The following AOPEP variants were observed in gnomAD, a reference collection of about 807,000 sequenced individuals.
AOPEP encodes the protein aminopeptidase O.
In AOPEP, 77 loss-of-function variants were observed where a neutral mutation model predicts 98.1. That is an observed-to-expected ratio of 0.78 (90% CI 0.65 to 0.95). The LOEUF is 0.95. Ranked by LOEUF, AOPEP falls within the 40% of genes least tolerant of loss-of-function variation. The probability of loss-of-function intolerance (pLI) is 0.00; values close to 1 mark genes in which losing one functional copy is unlikely to be tolerated. For synonymous variants in AOPEP, 346 were observed against 365.3 expected (o/e 0.95, Z 0.60); for missense variants, 1,024 against 1,024.7 (o/e 1.00, Z 0.01).
intron 13 of AOPEP, among the ~76,000 whole-genome samples, chr9:95,038,812 CCCAAAGGGTG>C (rs1435761543): frequency 2.0e-5 from 3 of 152,178 alleles, no homozygotes; most frequent in Non-Finnish European, 4.4e-5. Context: ...ACAGGTCTGA[CCCAAAGGGTG>C]CTCATCAGTG....
intron 13 of AOPEP, among the ~76,000 whole-genome samples, chr9:95,050,049 C>T (rs1003525132): frequency 6.6e-6 from 1 of 152,174 alleles, no homozygotes; most frequent in South Asian, 2.1e-4. Context: ...AGTAAAGTGA[C>T]GTTTTGCCAT....
chr9:95,024,171 G>A (rs2133238130), intron 13 of AOPEP, among the ~76,000 whole-genome samples: 1 of 152,282 alleles, frequency 6.6e-6, no homozygotes, highest in African/African-American at 2.4e-5. Flanking sequence ...TATCATCCAG[G>A]CAGGTTGTTG....
intron 5 of AOPEP, among the ~76,000 whole-genome samples, chr9:94,856,591 A>T (rs1269862674): frequency 1.3e-5 from 2 of 150,054 alleles, no homozygotes; most frequent in African/African-American, 4.9e-5. Flanking sequence ...TGGTAAGCCG[A>T]GATCGTGCCA....
chr9:95,086,926 C>T lies in AOPEP; in HGVS notation c.*249C>T. 1 of 987,876 alleles carries T rather than the reference C, an allele frequency of 1.0e-6. No homozygotes were observed. Among genetic ancestry groups the T allele is most frequent in the Non-Finnish European group, 1.2e-6 (1 of 830,110 alleles). The allele number at this position is 987,876 out of a possible 1,614,324, so 61.2% of individuals were successfully genotyped here. On this transcript the variant is annotated 3_prime_UTR_variant, in exon 17 of 17. Transcript: ENST00000375315. The stretch of plus-strand genomic sequence containing the variant: ...CTCCTGCCCTGGATCTGGAGTGGAG[C>T]TGCTCTGAGATTTTGAGTTCTTCTG...
chr9:95,060,761 C>T lies in AOPEP; in HGVS notation c.2183C>T (p.Thr728Ile). ...LLEQKTLSPR[T>I]LQSLQRTYHL... is the part of the protein sequence containing the mutation. ...GAGCAGAAGACTCTGAGCCCCCGAA[C>T]TCTGCAAAGCCTCCAGAGGACATAC... Residue 728 changes from threonine (T) to isoleucine (I), a missense_variant, in exon 14 of 17, where the codon ACT (threonine) becomes ATT (isoleucine). Transcript: ENST00000375315. The T allele has an allele frequency of 1.9e-6, 3 of 1,614,106 alleles. No individual in the cohort carries two copies. The highest frequency in any genetic ancestry group is 2.5e-6 in the Non-Finnish European group (3 of 1,179,944).
At chr9:94,774,191 C>G (rs1032379064) in intron 3 of AOPEP, among the ~76,000 whole-genome samples, 1 of 151,398 alleles carries the variant, frequency 6.6e-6, no homozygotes, top group South Asian at 2.1e-4. Flanking sequence ...GGTTGCCTGT[C>G]GTCCCAGCTA....
intron 14 of AOPEP, among the ~76,000 whole-genome samples, chr9:95,067,617 GTACCCTTCGCTGAAACAGCCTT>G (rs1160817851): frequency 6.6e-6 from 1 of 152,208 alleles, no homozygotes; most frequent in African/African-American, 2.4e-5. Flanking sequence ...GTGTAGAATA[GTACCCTTCGCTGAAACAGCCTT>G]TCTCAACTTG....
chr9:94,788,738 C>G (rs1844997715), intron 3 of AOPEP, among the ~76,000 whole-genome samples: 1 of 152,188 alleles, frequency 6.6e-6, no homozygotes, highest in Non-Finnish European at 1.5e-5. Context: ...CCTTCTGGAA[C>G]CAAATAAGGG....
intron 7 of AOPEP, among the ~76,000 whole-genome samples, chr9:94,937,876 T>C (rs2056503688): frequency 6.6e-6 from 1 of 152,196 alleles, no homozygotes; most frequent in African/African-American, 2.4e-5. Context: ...AAGAACAATT[T>C]CTTTTTTCTT....
In AOPEP at chr9:94,980,527, C is replaced by T. The variant is rs1490105579; in HGVS notation, c.1977+1100C>T. Among the ~76,000 whole-genome samples the T allele has an allele frequency of 6.6e-6, 1 of 152,226 alleles. No homozygotes were observed. Among genetic ancestry groups the T allele is most frequent in the East Asian group, 1.9e-4 (1 of 5,194 alleles). Reference sequence around the variant, plus strand: ...TCCATTACCTTTTCATCCCCCTCCTCACATCTTTGTCCATTTTCACCACAG... The same window carrying T: ...TCCATTACCTTTTCATCCCCCTCCTTACATCTTTGTCCATTTTCACCACAG... On this transcript the variant is annotated intron_variant, in intron 11 of 16. Transcript: ENST00000375315. This position sits in a 1 kb window ranked among gnomAD's most constrained non-coding sequence, Gnocchi z 4.3.
In AOPEP at chr9:95,019,571, C is replaced by G. The variant is rs930491456; in HGVS notation, c.2115+13955C>G. ...GAAGTTTTCTGTCTAAAGGAAGGTT[C>G]CAGCTACCTGTTACCCTTTTGCTAA... On this transcript the variant is annotated intron_variant, in intron 13 of 16. Coordinates refer to ENST00000375315, the MANE Select transcript of AOPEP (RefSeq NM_001193329.3). 5 of 152,298 alleles carry G rather than the reference C, an allele frequency of 3.3e-5. No individual in the cohort carries two copies. In the East Asian group the frequency reaches 9.6e-4, roughly 29 times the overall value. 9.4% of individuals were successfully genotyped at this position (152,298 alleles called of 1,614,324 possible).
At chr9:95,058,565 G>A (rs977003607) in intron 13 of AOPEP, among the ~76,000 whole-genome samples, 26 of 152,302 alleles carry the variant, frequency 1.7e-4, no homozygotes, top group Middle Eastern at 3.4e-3. Context: ...GATGCCAGGC[G>A]CCTGTTGTCC....
intron 9 of AOPEP, among the ~76,000 whole-genome samples, chr9:94,959,104 C>A (rs147708378): frequency 6.6e-6 from 1 of 151,732 alleles, no homozygotes; most frequent in Non-Finnish European, 1.5e-5. Context: ...AGTGCAGTGG[C>A]GCGGTCTCGG....
At chr9:94,838,406 T>C (rs1465647982) in intron 5 of AOPEP, among the ~76,000 whole-genome samples, 1 of 152,224 alleles carries the variant, frequency 6.6e-6, no homozygotes, top group Admixed American at 6.5e-5. Flanking sequence ...ACCATGCTTG[T>C]GTGGGTCTAT....
intron 10 of AOPEP, among the ~76,000 whole-genome samples, chr9:94,974,675 C>A (rs1277449236): frequency 1.3e-5 from 2 of 152,116 alleles, no homozygotes; most frequent in Non-Finnish European, 2.9e-5. Context: ...AGGAGCCAGG[C>A]TGTCTTCAGC....
intron 4 of AOPEP, among the ~76,000 whole-genome samples, chr9:94,798,858 G>A (rs1847615630): frequency 1.3e-5 from 2 of 152,180 alleles, no homozygotes; most frequent in South Asian, 4.1e-4. Flanking sequence ...GTCATTAGGT[G>A]GGCATTGCAG....
chr9:94,928,655 T>C, intron 7 of AOPEP, 124 bp downstream of exon 7: 1 of 661,524 alleles, frequency 1.5e-6, no homozygotes, highest in Non-Finnish European at 2.6e-6. Context: ...GGGCTTCTTG[T>C]CCCCCAGATG....
At chr9:95,015,000 A>G (rs2062861018) in intron 13 of AOPEP, among the ~76,000 whole-genome samples, 1 of 152,212 alleles carries the variant, frequency 6.6e-6, no homozygotes, top group African/African-American at 2.4e-5. Flanking sequence ...ACAGCATATC[A>G]AAGATCACTT....
chr9:94,826,098 T>C (rs1269078113), intron 5 of AOPEP, among the ~76,000 whole-genome samples: 1 of 152,148 alleles, frequency 6.6e-6, no homozygotes, highest in East Asian at 1.9e-4. Flanking sequence ...GTGTCAAAGC[T>C]ATTTTAAAAG....
Sources: gnomAD v4.1 joint callset for allele counts (sites outside exome capture counted in the v4.1 genomes callset) on GRCh38, gnomAD v4.1.1 for gene constraint, Gnocchi (gnomAD v3.1) non-coding constraint, MANE v1.5 for transcripts, NCBI Gene and HGNC (gene_info 2026-07-23, HGNC 2026-07-21) for gene names.